HNF4G: variants seen among roughly 807,000 people sequenced by gnomAD.
The protein encoded by HNF4G is hepatocyte nuclear factor 4-gamma.
In HNF4G, 21 loss-of-function variants were observed where a neutral mutation model predicts 50.9. The observed-to-expected ratio is 0.41, with a 90% CI of 0.29 to 0.59. HNF4G has a LOEUF of 0.59. Ranked by LOEUF, HNF4G falls within the 20% of genes least tolerant of loss-of-function variation. HNF4G has a pLI of 0.26. For synonymous variants in HNF4G, 198 were observed against 185.6 expected, an observed-to-expected ratio of 1.07 and a Z score of -0.54; for missense variants, 527 against 559.4, an observed-to-expected ratio of 0.94 and a Z score of 0.58.
chr8:75,508,556 T>G (rs1176957610), intron 2 of HNF4G, among the ~76,000 whole-genome samples: 1 of 152,188 alleles, frequency 6.6e-6, no homozygotes, highest in African/African-American at 2.4e-5. Context: ...GAAACCTCGT[T>G]TTTTCAGCTA....
chr8:75,515,391 A>C (rs1422613865), intron 2 of HNF4G, among the ~76,000 whole-genome samples: 1 of 152,190 alleles, frequency 6.6e-6, no homozygotes, highest in Non-Finnish European at 1.5e-5. Flanking sequence ...AACAACCAAT[A>C]GGACACACAC....
intron 2 of HNF4G, among the ~76,000 whole-genome samples, chr8:75,544,785 G>C (rs1246429254): frequency 6.6e-6 from 1 of 151,898 alleles, no homozygotes; most frequent in Non-Finnish European, 1.5e-5. Flanking sequence ...AACAAAAATG[G>C]TTAAATTTAA....
intron 1 of HNF4G, among the ~76,000 whole-genome samples, chr8:75,424,192 G>A (rs1810841217): frequency 6.6e-6 from 1 of 151,970 alleles, no homozygotes; most frequent in South Asian, 2.1e-4. Context: ...TGAGTAATTT[G>A]TATATGGATT....
intron 2 of HNF4G, among the ~76,000 whole-genome samples, chr8:75,531,944 T>C (rs1362562192): frequency 6.6e-6 from 1 of 152,108 alleles, no homozygotes; most frequent in African/African-American, 2.4e-5. Flanking sequence ...CCGGATACTA[T>C]TTATTCTTAA....
intron 2 of HNF4G, among the ~76,000 whole-genome samples, chr8:75,525,609 A>AT (rs1806156175): frequency 6.6e-6 from 1 of 152,232 alleles, no homozygotes; most frequent in African/African-American, 2.4e-5. Context: ...TTCACTTGTG[A>AT]TTTTTTATTA....
intron 1 of HNF4G, among the ~76,000 whole-genome samples, chr8:75,415,005 T>G (rs949314591): frequency 3.3e-5 from 5 of 152,234 alleles, no homozygotes; most frequent in African/African-American, 1.2e-4. Flanking sequence ...CTTGAGAGTT[T>G]CAATTTCTTT....
intron 1 of HNF4G, among the ~76,000 whole-genome samples, chr8:75,433,333 A>G (rs1451484547): frequency 1.3e-5 from 2 of 151,440 alleles, no homozygotes. Flanking sequence ...CTTGAGCCCA[A>G]GATTTTGAGA....
At chr8:75,423,315 T>C (rs902611679) in intron 1 of HNF4G, among the ~76,000 whole-genome samples, 3 of 151,294 alleles carry the variant, frequency 2.0e-5, no homozygotes, top group African/African-American at 4.9e-5. Flanking sequence ...ACTCTCAGTA[T>C]ATTTATGACT....
intron 2 of HNF4G, among the ~76,000 whole-genome samples, chr8:75,532,846 C>A (rs1353097664): frequency 6.6e-6 from 1 of 152,022 alleles, no homozygotes; most frequent in Non-Finnish European, 1.5e-5. Context: ...TAAATTTGTT[C>A]TGTTGCAGAA....
At chr8:75,528,393 A>G (rs1180206105) in intron 2 of HNF4G, among the ~76,000 whole-genome samples, 1 of 152,216 alleles carries the variant, frequency 6.6e-6, no homozygotes. Flanking sequence ...TCAATGAAAC[A>G]TATTTTCTCT....
chr8:75,545,647 C>T (rs1806754969), intron 2 of HNF4G, among the ~76,000 whole-genome samples: 1 of 152,044 alleles, frequency 6.6e-6, no homozygotes, highest in South Asian at 2.1e-4. Flanking sequence ...TGTAACTGCT[C>T]CATCAAACTG....
chr8:75,419,043 T>C (rs1407508786), intron 1 of HNF4G, among the ~76,000 whole-genome samples: 1 of 152,186 alleles, frequency 6.6e-6, no homozygotes, highest in African/African-American at 2.4e-5. Context: ...AGTCTCTTGT[T>C]TTTTAAAAAA....
intron 2 of HNF4G, among the ~76,000 whole-genome samples, chr8:75,499,728 A>G (rs1389274263): frequency 6.6e-6 from 1 of 152,008 alleles, no homozygotes; most frequent in African/African-American, 2.4e-5. Context: ...CAGTGGGGGG[A>G]AAAACTCATA....
At chr8:75,435,314 T>C (rs1234059308) in intron 1 of HNF4G, among the ~76,000 whole-genome samples, 1 of 152,246 alleles carries the variant, frequency 6.6e-6, no homozygotes, top group Non-Finnish European at 1.5e-5. Flanking sequence ...TCAGTCATCT[T>C]ACAAATACAG....
intron 1 of HNF4G, among the ~76,000 whole-genome samples, chr8:75,543,609 G>T (rs575381439): frequency 1.3e-5 from 2 of 152,164 alleles, no homozygotes; most frequent in East Asian, 3.9e-4. Context: ...TAAGCCCTAT[G>T]GTGTCCCAAA....
intron 1 of HNF4G, among the ~76,000 whole-genome samples, chr8:75,449,511 T>TTC (rs1194178321): frequency 1.4e-5 from 2 of 144,250 alleles, no homozygotes; most frequent in South Asian, 2.2e-4. Context: ...ATTTTTTTCT[T>TTC]TTTTTTTTTT....
upstream of HNF4G, among the ~76,000 whole-genome samples, chr8:75,537,059 G>T (rs372303493): frequency 3.3e-5 from 5 of 152,102 alleles, no homozygotes; most frequent in East Asian, 5.8e-4. Flanking sequence ...AATTTCCTTT[G>T]TAGATCATAC....
intron 2 of HNF4G, among the ~76,000 whole-genome samples, chr8:75,532,231 CTT>C (rs1563543694): frequency 2.0e-5 from 3 of 151,960 alleles, no homozygotes; most frequent in East Asian, 1.9e-4. Context: ...GAAATTGAAT[CTT>C]AATTATTGTT....
chr8:75,548,216 C>T (rs763759074), intron 3 of HNF4G, among the ~76,000 whole-genome samples: 2 of 151,990 alleles, frequency 1.3e-5, no homozygotes, highest in Non-Finnish European at 2.9e-5. Context: ...AACTCCTGAC[C>T]TCAAGTAATC....
Sources: gnomAD v4.1 joint callset for allele counts (sites outside exome capture counted in the v4.1 genomes callset) on GRCh38, gnomAD v4.1.1 for gene constraint, MANE v1.5 for transcripts, NCBI Gene and HGNC (gene_info 2026-07-23, HGNC 2026-07-21) for gene names.